COL4A6: variants seen among roughly 807,000 people sequenced by gnomAD.
COL4A6 encodes collagen type IV alpha 6 chain, also known as collagen alpha-6(IV) chain.
A neutral mutation model predicts 126.7 loss-of-function variants in COL4A6; 59 were observed. The ratio of observed to expected loss-of-function variants is 0.47; its 90% confidence interval spans 0.38 to 0.58. The LOEUF (loss-of-function observed/expected upper bound fraction) is 0.58, where lower values mean the gene tolerates loss of function less well. Ranked by LOEUF, COL4A6 falls within the 20% of genes least tolerant of loss-of-function variation. The pLI is 0.00. For missense variants in COL4A6, 1,285 were observed against 1,337.3 expected (o/e 0.96, Z 0.61); for synonymous variants, 547 against 496.6 (o/e 1.10, Z -1.35).
At chrX:108,282,476 T>C (rs1408229858) in intron 3 of COL4A6, among the ~76,000 whole-genome samples, 2 of 110,972 alleles carry the variant, frequency 1.8e-5, no homozygotes, top group Non-Finnish European at 3.8e-5. Flanking sequence ...AGAATGGCAA[T>C]CATTAAAAAG....
At chrX:108,316,055 CT>C (rs1176114011) in intron 2 of COL4A6, among the ~76,000 whole-genome samples, 1 of 112,009 alleles carries the variant, frequency 8.9e-6, no homozygotes, top group African/African-American at 3.2e-5. Flanking sequence ...ATCACCAGTG[CT>C]TTCTTGCATG....
chrX:108,225,070 G>A (rs903340774), intron 3 of COL4A6, among the ~76,000 whole-genome samples: 1 of 110,053 alleles, frequency 9.1e-6, no homozygotes, highest in Non-Finnish European at 1.9e-5. Context: ...GGGGAAGGCC[G>A]AGAGAAGAGG....
At chrX:108,256,576 G>A (rs190246051) in intron 3 of COL4A6, among the ~76,000 whole-genome samples, 1 of 111,037 alleles carries the variant, frequency 9.0e-6, no homozygotes, top group African/African-American at 3.3e-5. Context: ...TTTGAACTTG[G>A]GCTAATTGAA....
intron 2 of COL4A6, among the ~76,000 whole-genome samples, chrX:108,419,042 T>C (rs1317617584): frequency 8.9e-6 from 1 of 112,301 alleles, no homozygotes; most frequent in African/African-American, 3.2e-5. Context: ...CCCTTACTAG[T>C]AGAAAATTTG....
intron 2 of COL4A6, among the ~76,000 whole-genome samples, chrX:108,359,434 C>T (rs1367502543): frequency 8.9e-6 from 1 of 112,674 alleles, no homozygotes; most frequent in East Asian, 2.8e-4. Flanking sequence ...GGTATTTTTC[C>T]TATTATCCTG....
intron 2 of COL4A6, among the ~76,000 whole-genome samples, chrX:108,424,583 T>G: frequency 9.0e-6 from 1 of 111,718 alleles, no homozygotes; most frequent in Non-Finnish European, 1.9e-5. Context: ...TTACACCTTC[T>G]GTAGCATTTT....
At chrX:108,226,639 C>T (rs1256785147) in intron 3 of COL4A6, among the ~76,000 whole-genome samples, 2 of 110,776 alleles carry the variant, frequency 1.8e-5, no homozygotes, top group African/African-American at 6.6e-5. Context: ...ACCCAACATG[C>T]CCCAAACTGA....
At chrX:108,190,360 G>C in intron 20 of COL4A6, 32 bp downstream of exon 20, 1 of 1,058,440 alleles carries the variant, frequency 9.4e-7, no homozygotes, top group Non-Finnish European at 1.3e-6. Flanking sequence ...AAGGAGTTTG[G>C]AGGACCAAGA....
chrX:108,187,041 C>A (rs1363399297), intron 23 of COL4A6, 55 bp downstream of exon 23: 3 of 998,792 alleles, frequency 3.0e-6, no homozygotes, highest in Middle Eastern at 7.8e-4. Context: ...GAGTCATAAC[C>A]ACTCTACAAG....
chrX:108,358,373 C>T (rs1163778480), intron 2 of COL4A6, among the ~76,000 whole-genome samples: 1 of 108,719 alleles, frequency 9.2e-6, no homozygotes, highest in Middle Eastern at 4.8e-3. Context: ...CTAAGAAGAC[C>T]TAAGTTCAAG....
intron 43 of COL4A6, among the ~76,000 whole-genome samples, chrX:108,160,212 T>C (rs754518280): frequency 8.9e-6 from 1 of 112,516 alleles, no homozygotes; most frequent in South Asian, 3.7e-4. Flanking sequence ...GCGTGTGTGA[T>C]AGATACTAGA....
At chrX:108,280,774 C>T (rs1274286682) in intron 3 of COL4A6, among the ~76,000 whole-genome samples, 2 of 111,444 alleles carry the variant, frequency 1.8e-5, no homozygotes, top group Non-Finnish European at 3.8e-5. Context: ...AATCCAGCAG[C>T]ACATCGAAAA....
At chrX:108,161,490 C>T in intron 42 of COL4A6, 129 bp downstream of exon 42, 1 of 475,227 alleles carries the variant, frequency 2.1e-6, no homozygotes, top group Non-Finnish European at 3.7e-6. Context: ...TTTTGAGCAT[C>T]TTAGGAGTGT....
intron 2 of COL4A6, among the ~76,000 whole-genome samples, chrX:108,398,663 A>T (rs906711586): frequency 9.0e-6 from 1 of 111,264 alleles, no homozygotes; most frequent in Non-Finnish European, 1.9e-5. Flanking sequence ...GACCTATAGG[A>T]TTACCAAAAA....
rs771010273 is a variant in COL4A6 at position 108,264,509 on chromosome X, C to A, written c.145-43135G>T. ...TCCTAGGCCATGGTATGCAGGAGAGCGCTTGAGCTTCAGAATTAAACTTGT... is the reference window on the plus strand; with the variant it reads ...TCCTAGGCCATGGTATGCAGGAGAGAGCTTGAGCTTCAGAATTAAACTTGT... On this transcript the variant is annotated intron_variant, in intron 3 of 44. Transcript: ENST00000334504. Among the ~76,000 whole-genome samples the A allele has an allele frequency of 3.6e-5, 4 of 111,708 alleles. No individual in the cohort carries two copies. In the East Asian group the frequency reaches 1.1e-3, roughly 32 times the overall value.
intron 6 of COL4A6, among the ~76,000 whole-genome samples, chrX:108,212,700 G>A (rs1311452147): frequency 1.9e-5 from 2 of 105,718 alleles, no homozygotes; most frequent in African/African-American, 7.0e-5. Context: ...CTTTATTCTT[G>A]TGGCCACTAC....
intron 2 of COL4A6, among the ~76,000 whole-genome samples, chrX:108,431,574 T>TAA (rs2064174067): frequency 8.9e-6 from 1 of 111,780 alleles, no homozygotes; most frequent in Non-Finnish European, 1.9e-5. Context: ...TTAAGTATGG[T>TAA]TTAAGAAGAT....
chrX:108,438,698 G>C (rs1341131579), upstream of COL4A6, among the ~76,000 whole-genome samples: 1 of 112,913 alleles, frequency 8.9e-6, no homozygotes, highest in African/African-American at 3.2e-5. Context: ...AGATGGGCCC[G>C]AAAGTGCCCT....
At chrX:108,332,031 G>A (rs2039314825) in intron 2 of COL4A6, among the ~76,000 whole-genome samples, 2 of 110,958 alleles carry the variant, frequency 1.8e-5, no homozygotes, top group Admixed American at 1.9e-4. Flanking sequence ...AGTATCCAAT[G>A]TCTATTATTC....
Sources: allele counts gnomAD v4.1 joint callset (sites outside exome capture counted in the v4.1 genomes callset), GRCh38; gene constraint gnomAD v4.1.1; transcripts MANE v1.5; gene names NCBI Gene and HGNC (gene_info 2026-07-23, HGNC 2026-07-21).